Variants in ATCAY observed in about 807,000 individuals in gnomAD.
ATCAY encodes caytaxin.
A neutral mutation model predicts 47.7 loss-of-function variants in ATCAY; 22 were observed. The observed-to-expected ratio is 0.46, with a 90% CI of 0.33 to 0.66. The LOEUF (loss-of-function observed/expected upper bound fraction) is 0.66. ATCAY is among the 30% of genes least tolerant of loss of function. The probability of loss-of-function intolerance (pLI) is 0.02; values close to 1 mark genes in which losing one functional copy is unlikely to be tolerated. For missense variants in ATCAY, 452 were observed against 515.0 expected, an observed-to-expected ratio of 0.88 and a Z score of 1.18; for synonymous variants, 216 against 207.6, an observed-to-expected ratio of 1.04 and a Z score of -0.35.
intron 1 of ATCAY, 82 bp downstream of exon 1, chr19:3,881,090 CCCTTTCCAG>C (rs2038594271): frequency 1.3e-5 from 2 of 152,196 alleles, no homozygotes; most frequent in African/African-American, 4.8e-5. Flanking sequence ...GCCTCTAAAT[CCCTTTCCAG>C]CAGATGGGGC....
At chr19:3,909,765 C>A in intron 7 of ATCAY, 148 bp downstream of exon 7, 1 of 1,170,422 alleles carries the variant, frequency 8.5e-7, no homozygotes, top group Non-Finnish European at 1.2e-6. Context: ...CCAGCCTGGG[C>A]AACGCAGCAA....
chr19:3,910,761 C>G, intron 7 of ATCAY, 42 bp from the exon 8 acceptor site: 1 of 1,608,614 alleles, frequency 6.2e-7, no homozygotes, highest in East Asian at 2.2e-5. Context: ...CCCCAGGGCT[C>G]GCCCCAGGAG....
At chr19:3,897,303 C>T (rs1318037677) in intron 2 of ATCAY, among the ~76,000 whole-genome samples, 1 of 149,644 alleles carries the variant, frequency 6.7e-6, no homozygotes, top group African/African-American at 2.5e-5. Context: ...ATATCTATAT[C>T]TATATCTATA....
rs1303271910 is a variant in ATCAY, at chr19:3,925,285, T to TA, written c.*695dup. The TA allele has an allele frequency of 6.6e-6, 1 of 152,324 alleles. No homozygotes were observed. Among genetic ancestry groups the TA allele is most frequent in the Non-Finnish European group, 1.5e-5 (1 of 68,180 alleles). The allele number at this position is 152,324 out of a possible 1,614,324, so 9.4% of individuals were successfully genotyped here. ...CTCCGATTGCAAAATGACACCCCAGTAATCTAGAACATTCTCAAGCCCCTT... is the reference window on the plus strand; with the variant it reads ...CTCCGATTGCAAAATGACACCCCAGTAAATCTAGAACATTCTCAAGCCCCTT... On this transcript the variant is annotated 3_prime_UTR_variant, in exon 13 of 13. Transcript: ENST00000450849. This position sits in a 1 kb window ranked among gnomAD's most constrained non-coding sequence, Gnocchi z 4.4.
intron 1 of ATCAY, among the ~76,000 whole-genome samples, chr19:3,883,291 G>A (rs1048813843): frequency 3.9e-5 from 6 of 151,920 alleles, no homozygotes; most frequent in Middle Eastern, 3.2e-3. Context: ...GCAGTGAGCC[G>A]AGATCGCACC....
chr19:3,908,165 C>A (rs1355401312), intron 5 of ATCAY, 103 bp from the exon 6 acceptor site: 7 of 1,113,542 alleles, frequency 6.3e-6, no homozygotes, highest in Non-Finnish European at 9.2e-6. Context: ...CGGAGCCATG[C>A]CCTCCCGAGC....
chr19:3,918,004 A>G (rs2038980704), intron 10 of ATCAY, among the ~76,000 whole-genome samples: 1 of 152,122 alleles, frequency 6.6e-6, no homozygotes, highest in Non-Finnish European at 1.5e-5. Flanking sequence ...GCTAACAACC[A>G]CCTTGGAGGT....
chr19:3,890,043 C>T (rs2038701691), intron 2 of ATCAY, among the ~76,000 whole-genome samples: 1 of 150,860 alleles, frequency 6.6e-6, no homozygotes. Context: ...CTCCTGGGTT[C>T]AAGTGATTCT....
intron 7 of ATCAY, 49 bp from the exon 8 acceptor site, chr19:3,910,754 C>T: frequency 6.3e-7 from 1 of 1,596,436 alleles, no homozygotes; most frequent in Non-Finnish European, 8.6e-7. Flanking sequence ...CCTCCCTCCC[C>T]AGGGCTCGCC....
chr19:3,897,667 G>A (rs2145233846), intron 2 of ATCAY, among the ~76,000 whole-genome samples: 1 of 152,122 alleles, frequency 6.6e-6, no homozygotes, highest in African/African-American at 2.4e-5. Flanking sequence ...CAGCACTTTG[G>A]GAGGCCGAGG....
rs148318579 is a variant in ATCAY, at chr19:3,889,790, G to A, written c.77+3946G>A. The stretch of plus-strand genomic sequence containing the variant: ...CTGTAAAATAGGACAATAATCTCTC[G>A]CGCACCAGGTGGTCATGAAATTTTG... On this transcript the variant is annotated intron_variant, in intron 2 of 12. Coordinates refer to ENST00000450849, the MANE Select transcript of ATCAY (RefSeq NM_033064.5). Among the ~76,000 whole-genome samples, 654 of 152,100 alleles carry A rather than the reference G, an allele frequency of 4.3e-3. 7 individuals are homozygous for A. Among genetic ancestry groups the A allele is most frequent in the African/African-American group, 0.014 (576 of 41,484 alleles).
chr19:3,910,661 G>A (rs1318894162), intron 7 of ATCAY, 142 bp from the exon 8 acceptor site: 1 of 782,192 alleles, frequency 1.3e-6, no homozygotes, highest in Non-Finnish European at 2.1e-6. Context: ...ATGGGGGCAG[G>A]GATTTGACAG....
intron 4 of ATCAY, 116 bp downstream of exon 4, chr19:3,905,771 T>G: frequency 2.2e-6 from 2 of 914,318 alleles, no homozygotes; most frequent in South Asian, 3.4e-5. Context: ...CTCTAAGCAG[T>G]CTAGCCTTAA....
At position 3,899,838 on chromosome 19, in the gene ATCAY, C is replaced by T. The variant is rs572513338; in HGVS notation, c.78-2649C>T. Among the ~76,000 whole-genome samples the T allele has an allele frequency of 2.0e-5, 3 of 152,242 alleles. No homozygotes were observed. In the South Asian group the frequency reaches 6.2e-4, roughly 32 times the overall value. On this transcript the variant is annotated intron_variant, in intron 2 of 12. Transcript: ENST00000450849. ...CCAGGGTAGCCAAGGAGCCAGTGCT[C>T]CTGGGTCAAACTCGGGCAGCACGGG...
At chr19:3,897,274 T>TATAG in intron 2 of ATCAY, among the ~76,000 whole-genome samples, 1 of 150,474 alleles carries the variant, frequency 6.6e-6, no homozygotes, top group South Asian at 2.1e-4. Context: ...TATATATATA[T>TATAG]ATATATATAG....
At chr19:3,885,608 G>GAGGGGA in intron 1 of ATCAY, 119 bp from the exon 2 acceptor site, 1 of 590,750 alleles carries the variant, frequency 1.7e-6, no homozygotes, top group Non-Finnish European at 3.0e-6. Context: ...GAGAGAGGGG[G>GAGGGGA]AGGGGAAGGG....
chr19:3,888,554 C>A (rs58752242), intron 2 of ATCAY, among the ~76,000 whole-genome samples: 5,804 of 151,974 alleles, frequency 0.038, 258 homozygotes, highest in African/African-American at 0.1. Flanking sequence ...TGCTGGAACT[C>A]GGGAGGCGAA....
intron 7 of ATCAY, among the ~76,000 whole-genome samples, chr19:3,910,303 A>T (rs1217574127): frequency 6.6e-6 from 1 of 152,146 alleles, no homozygotes; most frequent in East Asian, 1.9e-4. Context: ...TCATGGCTGC[A>T]TAATATTCCA....
intron 6 of ATCAY, among the ~76,000 whole-genome samples, chr19:3,909,139 T>A (rs11672053): frequency 0.18 from 8,163 of 46,090 alleles, 629 homozygotes; most frequent in East Asian, 0.42. Context: ...AGGGAGGCTG[T>A]GGCAGGAGAA....
Sources: allele counts gnomAD v4.1 joint callset (sites outside exome capture counted in the v4.1 genomes callset), GRCh38; gene constraint gnomAD v4.1.1; non-coding constraint Gnocchi (gnomAD v3.1); transcripts MANE v1.5; gene names NCBI Gene and HGNC (gene_info 2026-07-23, HGNC 2026-07-21).